PLSCR2: variants seen among roughly 807,000 people sequenced by gnomAD.
The protein encoded by PLSCR2 is phospholipid scramblase 2.
PLSCR2 carries 18 observed loss-of-function variants against 25.3 expected under a neutral mutation model. The observed-to-expected ratio is 0.71, with a 90% confidence interval of 0.49 to 1.06. The LOEUF is 1.06. Ranked by LOEUF, PLSCR2 falls within the 50% of genes least tolerant of loss-of-function variation. The probability of loss-of-function intolerance (pLI) is 0.00; values close to 1 mark genes in which losing one functional copy is unlikely to be tolerated. For synonymous variants in PLSCR2, 88 were observed against 87.3 expected, an observed-to-expected ratio of 1.01 and a Z score of -0.04; for missense variants, 243 against 269.5, an observed-to-expected ratio of 0.90 and a Z score of 0.69.
chr3:146,399,847 A>G (rs1207448716), intron 2 of PLSCR2, among the ~76,000 whole-genome samples: 2 of 145,792 alleles, frequency 1.4e-5, no homozygotes, highest in African/African-American at 5.1e-5. Flanking sequence ...CCTTTTTCTT[A>G]CCATATATAA....
At chr3:146,480,465 C>T (rs1373630033) in intron 1 of PLSCR2, among the ~76,000 whole-genome samples, 9 of 152,020 alleles carry the variant, frequency 5.9e-5, no homozygotes, top group Admixed American at 1.3e-4. Flanking sequence ...AACACCTCTG[C>T]GAAAATAAAC....
At chr3:146,468,691 T>C (rs1000855658) in intron 1 of PLSCR2, among the ~76,000 whole-genome samples, 1 of 152,188 alleles carries the variant, frequency 6.6e-6, no homozygotes, top group East Asian at 1.9e-4. Flanking sequence ...TCTTTATAAA[T>C]GAGAAAACTA....
chr3:146,465,266 A>G (rs2041811202), upstream of PLSCR2, among the ~76,000 whole-genome samples: 1 of 152,186 alleles, frequency 6.6e-6, no homozygotes, highest in Non-Finnish European at 1.5e-5. Flanking sequence ...CTATTTTTAG[A>G]TAAGATGCTG....
chr3:146,397,258 T>C (rs2038307786), intron 2 of PLSCR2, among the ~76,000 whole-genome samples: 2 of 152,150 alleles, frequency 1.3e-5, no homozygotes. Context: ...TGCAAGTACA[T>C]GGTCAGTTCG....
chr3:146,441,099 A>T (rs1203604869), downstream of PLSCR2, among the ~76,000 whole-genome samples: 1 of 152,162 alleles, frequency 6.6e-6, no homozygotes, highest in East Asian at 1.9e-4. Flanking sequence ...TTGCTAATTT[A>T]TCATGTAGTC....
At chr3:146,435,149 A>G (rs1270268321) in intron 8 of PLSCR2, among the ~76,000 whole-genome samples, 1 of 151,770 alleles carries the variant, frequency 6.6e-6, no homozygotes, top group Non-Finnish European at 1.5e-5. Context: ...TATGTGCCAC[A>G]TTTTCTTAAT....
At chr3:146,403,341 C>T (rs903489870) in intron 2 of PLSCR2, among the ~76,000 whole-genome samples, 9 of 152,244 alleles carry the variant, frequency 5.9e-5, no homozygotes, top group Non-Finnish European at 1.2e-4. Context: ...AAGCCTGCAT[C>T]GAGGTCACCT....
chr3:146,436,014 A>C lies in PLSCR2; in HGVS notation c.*35-2497T>G, dbSNP rs1576619627. On this transcript the variant is annotated intron_variant, in intron 8 of 8. Transcript: ENST00000336685. ...ATGGCTAGCCAGTATTTCCAGCACC[A>C]TTTATTTAATAGGGAATCCTTTCCC... Among the ~76,000 whole-genome samples, 3 of 152,146 alleles carry C rather than the reference A, an allele frequency of 2.0e-5. No individual in the cohort carries two copies. In the South Asian group the frequency reaches 6.2e-4, roughly 32 times the overall value.
At chr3:146,403,499 C>T (rs2038551458) in intron 2 of PLSCR2, among the ~76,000 whole-genome samples, 1 of 152,170 alleles carries the variant, frequency 6.6e-6, no homozygotes, top group Non-Finnish European at 1.5e-5. Flanking sequence ...CCTGGAGAGT[C>T]ACTGGCTTGG....
intron 2 of PLSCR2, among the ~76,000 whole-genome samples, chr3:146,409,820 A>G (rs2038786571): frequency 6.6e-6 from 1 of 152,196 alleles, no homozygotes. Context: ...CAGAGATATT[A>G]GATCCAACAT....
chr3:146,395,849 A>G, exon 3 of PLSCR2: 1 of 209,952 alleles, frequency 4.8e-6, no homozygotes, highest in South Asian at 5.9e-5. Context: ...CCATTGGTTA[A>G]TATTCCCCTT....
intron 2 of PLSCR2, among the ~76,000 whole-genome samples, chr3:146,427,947 T>C (rs2039413235): frequency 6.6e-6 from 1 of 152,204 alleles, no homozygotes; most frequent in Admixed American, 6.6e-5. Context: ...TATTTTTATA[T>C]TGGTTTCCCC....
rs1559981830 is a variant in PLSCR2, at chr3:146,423,279, CTCT to C, written c.101-27361_101-27359del. Among the ~76,000 whole-genome samples, 194 of 135,468 alleles carry C rather than the reference CTCT, an allele frequency of 1.4e-3. 12 individuals are homozygous for C. Among genetic ancestry groups the C allele is most frequent in the South Asian group, 6.7e-3 (29 of 4,332 alleles). 88.9% of individuals were successfully genotyped at this position (135,468 alleles called of 152,430 possible). ...TCTCTCTCTCTCTCTCTCTCTCTCT[CTCT>C]CCCTGGCTAGATTCTCACAAGAAAC... On this transcript the variant is annotated intron_variant and NMD_transcript_variant, in intron 2 of 3. Coordinates refer to the PLSCR2 transcript ENST00000463633.
chr3:146,417,414 G>T (rs1430056467), intron 2 of PLSCR2, among the ~76,000 whole-genome samples: 1 of 146,708 alleles, frequency 6.8e-6, no homozygotes, highest in African/African-American at 2.5e-5. Context: ...AACATACTTT[G>T]AAAAATGTTT....
chr3:146,470,071 T>C (rs1330542667), intron 1 of PLSCR2, among the ~76,000 whole-genome samples: 1 of 152,106 alleles, frequency 6.6e-6, no homozygotes, highest in Non-Finnish European at 1.5e-5. Context: ...GTCGAGATTA[T>C]TTTATCTCTA....
At chr3:146,476,624 C>G (rs2042293574) in intron 1 of PLSCR2, among the ~76,000 whole-genome samples, 1 of 152,220 alleles carries the variant, frequency 6.6e-6, no homozygotes, top group Non-Finnish European at 1.5e-5. Context: ...TGCTGAACTA[C>G]TGGGAGGAAA....
chr3:146,444,002 G>C (rs1365252207), intron 6 of PLSCR2, among the ~76,000 whole-genome samples: 5 of 151,116 alleles, frequency 3.3e-5, no homozygotes, highest in African/African-American at 1.2e-4. Context: ...TTTCCTTCTT[G>C]GTTTCTTCAT....
intron 2 of PLSCR2, among the ~76,000 whole-genome samples, chr3:146,420,362 T>C (rs1303770558): frequency 6.6e-6 from 1 of 152,070 alleles, no homozygotes; most frequent in Non-Finnish European, 1.5e-5. Flanking sequence ...TTCTAAAAAA[T>C]TCCAATTACC....
downstream of PLSCR2, chr3:146,433,189 A>C (rs563389082): frequency 2.6e-5 from 4 of 152,158 alleles, no homozygotes; most frequent in African/African-American, 4.8e-5. Context: ...TTTCAATTTT[A>C]TTAAAATTTG....
Sources: gnomAD v4.1 joint callset for allele counts (sites outside exome capture counted in the v4.1 genomes callset) on GRCh38, gnomAD v4.1.1 for gene constraint, MANE v1.5 for transcripts, NCBI Gene and HGNC (gene_info 2026-07-23, HGNC 2026-07-21) for gene names.